MARCHF5: variants seen among roughly 807,000 people sequenced by gnomAD.
MARCHF5 encodes E3 ubiquitin-protein ligase MARCHF5.
A neutral mutation model predicts 36.5 loss-of-function variants in MARCHF5; 5 were observed. That is an observed-to-expected ratio of 0.14 (90% CI 0.07 to 0.29). The LOEUF (loss-of-function observed/expected upper bound fraction) is 0.29, where lower values mean the gene tolerates loss of function less well. MARCHF5 is among the 10% of genes least tolerant of loss of function. The pLI, the probability that MARCHF5 is intolerant of heterozygous loss-of-function variation, is 1.00. For synonymous variants in MARCHF5, 103 were observed against 109.9 expected (o/e 0.94, Z 0.39); for missense variants, 179 against 336.3 (o/e 0.53, Z 3.66).
At chr10:92,323,989 A>C (rs10786036) in intron 2 of MARCHF5, among the ~76,000 whole-genome samples, 31,021 of 152,156 alleles carry the variant, frequency 0.2, 4,027 homozygotes, top group East Asian at 0.38. Context: ...CTATCCTCCA[A>C]AGTGGCTGTA....
intron 2 of MARCHF5, among the ~76,000 whole-genome samples, chr10:92,327,322 T>C (rs1199486999): frequency 1.3e-5 from 2 of 149,990 alleles, no homozygotes; most frequent in East Asian, 1.9e-4. Context: ...TTTTTTTTTC[T>C]ATTAAAAGTA....
Position 92,347,128 on chromosome 10 carries a change from G to A in MARCHF5, c.370-2221G>A, listed in dbSNP as rs373667568. The stretch of plus-strand genomic sequence containing the variant: ...GGAGGGTGAGGTGGGAAGATTGCTT[G>A]AGCCCAGGAGTACAAAGCCAACCTG... On this transcript the variant is annotated intron_variant, in intron 3 of 5. Coordinates refer to ENST00000358935, the MANE Select transcript of MARCHF5 (RefSeq NM_017824.5). Among the ~76,000 whole-genome samples the A allele has an allele frequency of 7.2e-5, 11 of 152,238 alleles. No individual in the cohort carries two copies. In the East Asian group the frequency reaches 1.4e-3, roughly 19 times the overall value.
chr10:92,291,321 GCAGGCCCTGCACCGCCGCCGC>G lies in MARCHF5; in HGVS notation c.-168_-148del. On this transcript the variant is annotated 5_prime_UTR_variant, in exon 1 of 6. Transcript: ENST00000358935. ...TCTCCGCCGCCTCCGCCGGACTCCC[GCAGGCCCTGCACCGCCGCCGC>G]CAGGCTAGCGGAGCTGCCCCGGGAA... The G allele has an allele frequency of 1.6e-6, 1 of 615,820 alleles. No homozygotes were observed. Among genetic ancestry groups the G allele is most frequent in the South Asian group, 1.9e-5 (1 of 53,248 alleles). The allele number at this position is 615,820 out of a possible 1,614,324, so 38.1% of individuals were successfully genotyped here. A position where few individuals can be genotyped will look rare whatever the true frequency, so the allele number is the denominator to read the frequency against.
intron 1 of MARCHF5, among the ~76,000 whole-genome samples, chr10:92,305,621 A>T (rs1038189869): frequency 2.6e-5 from 4 of 152,218 alleles, no homozygotes. Flanking sequence ...TATGCATCAC[A>T]CTGAGGACTG....
chr10:92,299,806 A>G (rs547130962), intron 1 of MARCHF5, among the ~76,000 whole-genome samples: 1 of 152,130 alleles, frequency 6.6e-6, no homozygotes, highest in Non-Finnish European at 1.5e-5. Context: ...TCTTTGTGAC[A>G]TATCAGTGCT....
intron 1 of MARCHF5, among the ~76,000 whole-genome samples, chr10:92,295,969 G>A (rs922972387): frequency 6.6e-6 from 1 of 151,498 alleles, no homozygotes; most frequent in Non-Finnish European, 1.5e-5. Context: ...TCCGCCTCTC[G>A]GGTTCGCGTG....
chr10:92,301,677 C>T (rs1843013778), intron 1 of MARCHF5, among the ~76,000 whole-genome samples: 1 of 152,240 alleles, frequency 6.6e-6, no homozygotes, highest in South Asian at 2.1e-4. Context: ...TGTAGATGCT[C>T]AAGTCCCTGA....
rs571468293 is a variant in MARCHF5 at position 92,341,382 on chromosome 10, G to A, written c.369+579G>A. Among the ~76,000 whole-genome samples, 21 of 151,962 alleles carry A rather than the reference G, an allele frequency of 1.4e-4. No individual in the cohort carries two copies. The South Asian group carries it at 3.7e-3, about 27-fold the overall frequency. ...CACACCACTGCACTCCAGCACAGGCGACAGAGCGAGACTCCATCTCAAAAA... is the reference window on the plus strand; with the variant it reads ...CACACCACTGCACTCCAGCACAGGCAACAGAGCGAGACTCCATCTCAAAAA... On this transcript the variant is annotated intron_variant, in intron 3 of 5. Transcript: ENST00000358935.
intron 2 of MARCHF5, among the ~76,000 whole-genome samples, chr10:92,324,496 G>C (rs1843330307): frequency 6.6e-6 from 1 of 152,102 alleles, no homozygotes; most frequent in African/African-American, 2.4e-5. Flanking sequence ...CGAATAGCTG[G>C]GACTACAGGC....
intron 2 of MARCHF5, among the ~76,000 whole-genome samples, chr10:92,321,311 T>G (rs1334306002): frequency 6.6e-6 from 1 of 152,086 alleles, no homozygotes; most frequent in African/African-American, 2.4e-5. Flanking sequence ...GTTGAGGGCT[T>G]TTGTCATGAA....
At chr10:92,303,199 T>A (rs973258352) in intron 1 of MARCHF5, among the ~76,000 whole-genome samples, 1 of 152,212 alleles carries the variant, frequency 6.6e-6, no homozygotes, top group Non-Finnish European at 1.5e-5. Context: ...TCAGATAGAC[T>A]GTAAATTAGT....
chr10:92,304,457 A>T (rs1429362872), intron 1 of MARCHF5, among the ~76,000 whole-genome samples: 1 of 152,228 alleles, frequency 6.6e-6, no homozygotes, highest in Non-Finnish European at 1.5e-5. Flanking sequence ...AATAAAACAA[A>T]ATATATAGGA....
At chr10:92,314,008 C>T (rs920220162) in intron 2 of MARCHF5, among the ~76,000 whole-genome samples, 1 of 151,826 alleles carries the variant, frequency 6.6e-6, no homozygotes, top group Non-Finnish European at 1.5e-5. Flanking sequence ...GCCTAGGCAA[C>T]ATAGCAAAAC....
chr10:92,349,798 G>A lies in MARCHF5; in HGVS notation c.681G>A (p.Met227Ile), dbSNP rs1843696730. The change falls in exon 5 of 6, where the codon ATG becomes ATA. Residue 227 changes from methionine (M) to isoleucine (I), a missense_variant. Met to Ile is a conservative substitution (Grantham distance 10). Around this residue, in one of 3 missense-constraint regions of MARCHF5, gnomAD observed 95 missense variants for 139.5 expected, o/e 0.68. Coordinates refer to ENST00000358935, the MANE Select transcript of MARCHF5 (RefSeq NM_017824.5). ...PTIATIVGKLMFSSVNSNLQR... is the reference protein window; with the variant it reads ...PTIATIVGKLIFSSVNSNLQR... ...TTGCTACAATAGTTGGTAAATTGATGTTCAGTAGTGTTAACTCTAATTTAC... is the reference window on the plus strand; with the variant it reads ...TTGCTACAATAGTTGGTAAATTGATATTCAGTAGTGTTAACTCTAATTTAC... The A allele has an allele frequency of 2.5e-6, 4 of 1,613,674 alleles. No homozygotes were observed. The highest frequency in any genetic ancestry group is 4.5e-5 in the East Asian group (2 of 44,890).
intron 5 of MARCHF5, 100 bp from the exon 6 acceptor site, chr10:92,350,991 C>A: frequency 1.5e-6 from 1 of 667,754 alleles, no homozygotes; most frequent in Non-Finnish European, 2.6e-6. Context: ...ATTAGTTTAG[C>A]ATCAAAGCCT....
At chr10:92,296,292 G>T (rs1006177443) in intron 1 of MARCHF5, among the ~76,000 whole-genome samples, 8 of 152,008 alleles carry the variant, frequency 5.3e-5, no homozygotes, top group East Asian at 1.9e-4. Flanking sequence ...TGGAAAGGGG[G>T]GTGATTTTTC....
At chr10:92,335,463 A>G (rs1843491243) in intron 2 of MARCHF5, among the ~76,000 whole-genome samples, 1 of 152,218 alleles carries the variant, frequency 6.6e-6, no homozygotes, top group Non-Finnish European at 1.5e-5. Flanking sequence ...AGCACTAGGC[A>G]TTTATCTTTT....
At chr10:92,312,774 A>G (rs2135187544) in intron 2 of MARCHF5, among the ~76,000 whole-genome samples, 1 of 152,386 alleles carries the variant, frequency 6.6e-6, no homozygotes, top group Admixed American at 6.5e-5. Context: ...ACTGAAAACT[A>G]CATCAAGTTG....
chr10:92,338,612 C>T (rs1233698274), intron 2 of MARCHF5, among the ~76,000 whole-genome samples: 1 of 152,060 alleles, frequency 6.6e-6, no homozygotes, highest in Non-Finnish European at 1.5e-5. Context: ...AATGACAGTC[C>T]TTTGACATCT....
Sources: allele counts gnomAD v4.1 joint callset (sites outside exome capture counted in the v4.1 genomes callset), GRCh38; gene constraint gnomAD v4.1.1; regional missense constraint gnomAD v4.1.1; transcripts MANE v1.5; gene names NCBI Gene and HGNC (gene_info 2026-07-23, HGNC 2026-07-21).